GRID2: variants seen among roughly 807,000 people sequenced by gnomAD.
GRID2 encodes glutamate ionotropic receptor delta type subunit 2.
A neutral mutation model predicts 114.8 loss-of-function variants in GRID2; 33 were observed. The observed-to-expected ratio is 0.29, with a 90% CI of 0.22 to 0.38. The LOEUF is 0.38. Ranked by LOEUF, GRID2 falls within the 10% of genes least tolerant of loss-of-function variation. The probability of loss-of-function intolerance (pLI) is 1.00; values close to 1 mark genes in which losing one functional copy is unlikely to be tolerated. For missense variants in GRID2, 1,184 were observed against 1,257.7 expected (o/e 0.94, Z 0.89); for synonymous variants, 505 against 449.9 (o/e 1.12, Z -1.55).
intron 9 of GRID2, among the ~76,000 whole-genome samples, chr4:93,412,757 CA>C (rs1480435567): frequency 6.6e-6 from 1 of 152,112 alleles, no homozygotes; most frequent in Non-Finnish European, 1.5e-5. Context: ...TTGCCTACCC[CA>C]CTAACAGGCC....
At chr4:92,324,596 G>GAC (rs34621988) in intron 1 of GRID2, among the ~76,000 whole-genome samples, 49,583 of 148,076 alleles carry the variant, frequency 0.33, 9,195 homozygotes, top group East Asian at 0.74. Flanking sequence ...CATACATACA[G>GAC]ACACACACAC....
chr4:92,431,560 T>G (rs1732451713), intron 1 of GRID2, among the ~76,000 whole-genome samples: 1 of 151,592 alleles, frequency 6.6e-6, no homozygotes, highest in African/African-American at 2.4e-5. Context: ...TTTTATTTAT[T>G]TATTGTTTGA....
chr4:93,050,615 G>A (rs1310133939), intron 2 of GRID2, among the ~76,000 whole-genome samples: 1 of 151,110 alleles, frequency 6.6e-6, no homozygotes, highest in Admixed American at 6.6e-5. Flanking sequence ...ATGTTTCAAG[G>A]TTTATTTTCC....
At chr4:93,124,587 A>T (rs367842429) in intron 4 of GRID2, among the ~76,000 whole-genome samples, 2 of 152,330 alleles carry the variant, frequency 1.3e-5, no homozygotes, top group South Asian at 4.1e-4. Flanking sequence ...CTGGGTTAGT[A>T]TGAGTCAGTC....
chr4:92,604,964 T>TAGTA (rs144388483), intron 2 of GRID2, among the ~76,000 whole-genome samples: 1 of 152,044 alleles, frequency 6.6e-6, no homozygotes, highest in African/African-American at 2.4e-5. Flanking sequence ...GTTCTCCTGA[T>TAGTA]AGTGAGTTCT....
intron 2 of GRID2, among the ~76,000 whole-genome samples, chr4:92,704,723 T>TTCTCTCTCTCTCTCTCTC (rs373207037): frequency 1.1e-5 from 1 of 90,042 alleles, no homozygotes; most frequent in Admixed American, 1.2e-4. Context: ...CTCTCTCTCT[T>TTCTCTCTCTCTCTCTCTC]TCTCTCTCTC....
intron 2 of GRID2, among the ~76,000 whole-genome samples, chr4:92,637,475 G>A (rs1731127764): frequency 6.6e-6 from 1 of 151,980 alleles, no homozygotes; most frequent in Non-Finnish European, 1.5e-5. Flanking sequence ...GAGTTGTATT[G>A]TGAATATATT....
chr4:93,804,615 TAA>T (rs1734996667), intron 1 of GRID2, among the ~76,000 whole-genome samples: 1 of 152,282 alleles, frequency 6.6e-6, no homozygotes, highest in East Asian at 1.9e-4. Context: ...ATGGGACAAA[TAA>T]AAGAGATCCA....
intron 8 of GRID2, among the ~76,000 whole-genome samples, chr4:93,362,494 A>T (rs1017331564): frequency 6.6e-6 from 1 of 151,422 alleles, no homozygotes; most frequent in African/African-American, 2.4e-5. Context: ...GGAATGGTTG[A>T]TTTTTTTCTT....
intron 2 of GRID2, among the ~76,000 whole-genome samples, chr4:93,048,461 G>A (rs1192783289): frequency 6.6e-6 from 1 of 151,738 alleles, no homozygotes; most frequent in Non-Finnish European, 1.5e-5. Flanking sequence ...CCTCTCTGTG[G>A]GACTTCTGAA....
chr4:92,425,327 T>G (rs1732104736), intron 1 of GRID2, among the ~76,000 whole-genome samples: 1 of 152,164 alleles, frequency 6.6e-6, no homozygotes, highest in African/African-American at 2.4e-5. Flanking sequence ...TAATCAGGGA[T>G]AACTTCTGCT....
At chr4:93,778,009 T>C (rs1417174009), downstream of GRID2, among the ~76,000 whole-genome samples, 1 of 152,156 alleles carries the variant, frequency 6.6e-6, no homozygotes, top group Non-Finnish European at 1.5e-5. Flanking sequence ...AACCCATAAC[T>C]TCCTGAATTT....
chr4:93,250,680 A>T (rs985331310), intron 8 of GRID2, among the ~76,000 whole-genome samples: 22 of 146,770 alleles, frequency 1.5e-4, no homozygotes, highest in East Asian at 7.8e-4. Flanking sequence ...TATTTTATAT[A>T]TTATATATAT....
chr4:93,661,037 A>G (rs1723446813), intron 14 of GRID2, among the ~76,000 whole-genome samples: 1 of 152,196 alleles, frequency 6.6e-6, no homozygotes, highest in South Asian at 2.1e-4. Flanking sequence ...TTGGCTTTAC[A>G]AACATCCTTG....
In GRID2 at chr4:93,643,667, C is replaced by A. The variant is rs1408420483; in HGVS notation, c.2360+17232C>A. Among the ~76,000 whole-genome samples, 13 of 56,498 alleles carry A rather than the reference C, an allele frequency of 2.3e-4. No homozygotes were observed. In the East Asian group the frequency reaches 2.9e-3, roughly 13 times the overall value. The allele number at this position is 56,498 out of a possible 152,430, so 37.1% of individuals were successfully genotyped here. ...GACCCACTTGAGGAGGCAGTCTGCC[C>A]GTTCTCAGATCTCCAGCTGCTTGCT... On this transcript the variant is annotated intron_variant, in intron 14 of 15. Coordinates refer to ENST00000282020, the MANE Select transcript of GRID2 (RefSeq NM_001510.4).
chr4:93,743,850 G>A (rs547389080), intron 14 of GRID2, among the ~76,000 whole-genome samples: 1 of 152,300 alleles, frequency 6.6e-6, no homozygotes, highest in South Asian at 2.1e-4. Context: ...GGAGGAAGAT[G>A]CTGTCTATCA....
intron 1 of GRID2, among the ~76,000 whole-genome samples, chr4:92,529,102 G>T (rs1366007267): frequency 6.6e-6 from 1 of 152,088 alleles, no homozygotes; most frequent in African/African-American, 2.4e-5. Context: ...TTCGGTCGGG[G>T]ATGGGAGGGC....
chr4:92,718,917 C>A (rs1735676542), intron 2 of GRID2, among the ~76,000 whole-genome samples: 1 of 151,738 alleles, frequency 6.6e-6, no homozygotes, highest in South Asian at 2.1e-4. Context: ...TTATTGCAAT[C>A]TTACTTTTTT....
chr4:92,869,519 T>G (rs1289385983), intron 2 of GRID2, among the ~76,000 whole-genome samples: 2 of 152,252 alleles, frequency 1.3e-5, no homozygotes, highest in African/African-American at 4.8e-5. Flanking sequence ...AGCCCATCTT[T>G]GTGTCCTTGG....
Sources: allele counts gnomAD v4.1 joint callset (sites outside exome capture counted in the v4.1 genomes callset), GRCh38; gene constraint gnomAD v4.1.1; transcripts MANE v1.5; gene names NCBI Gene and HGNC (gene_info 2026-07-23, HGNC 2026-07-21).